The following GSTCD variants were observed in gnomAD, a reference collection of about 807,000 sequenced individuals.
GSTCD encodes glutathione S-transferase C-terminal domain-containing protein.
Under a neutral mutation model 68.3 loss-of-function variants are expected in GSTCD, and 44 were observed. The observed-to-expected ratio is 0.64, with a 90% CI of 0.51 to 0.83. GSTCD has a LOEUF of 0.83. GSTCD is among the 40% of genes least tolerant of loss of function. GSTCD has a pLI of 0.00. For synonymous variants in GSTCD, 273 were observed against 255.2 expected (o/e 1.07, Z -0.67); for missense variants, 739 against 735.9 (o/e 1.00, Z -0.05).
chr4:105,774,364 T>C (rs570761362), intron 5 of GSTCD, among the ~76,000 whole-genome samples: 5 of 152,342 alleles, frequency 3.3e-5, no homozygotes, highest in East Asian at 1.9e-4. Context: ...AAGTTTAATA[T>C]TGTTATGTGT....
chr4:105,816,231 T>C (rs1011306800), intron 5 of GSTCD, among the ~76,000 whole-genome samples: 1 of 152,140 alleles, frequency 6.6e-6, no homozygotes, highest in Admixed American at 6.6e-5. Context: ...GGGTGAAAGG[T>C]GCATGATATT....
chr4:105,790,821 T>G (rs964748068), intron 5 of GSTCD, among the ~76,000 whole-genome samples: 2 of 152,046 alleles, frequency 1.3e-5, no homozygotes, highest in African/African-American at 4.8e-5. Context: ...GAAATTGCCC[T>G]CAGTGCCTTT....
At chr4:105,804,142 A>G (rs1422911835) in intron 5 of GSTCD, among the ~76,000 whole-genome samples, 1 of 152,010 alleles carries the variant, frequency 6.6e-6, no homozygotes, top group African/African-American at 2.4e-5. Context: ...GTATTTAGTT[A>G]TCAGAAATTT....
intron 11 of GSTCD, 74 bp downstream of exon 11, chr4:105,842,208 A>T: frequency 8.3e-7 from 1 of 1,199,726 alleles, no homozygotes; most frequent in Non-Finnish European, 1.2e-6. Flanking sequence ...CCAAGTCTAT[A>T]TGGGAAAAAT....
At position 105,719,465 on chromosome 4, in the gene GSTCD, G is replaced by C. The variant is rs1178875624; in HGVS notation, c.832G>C (p.Ala278Pro). Reference protein sequence around the residue: ...SDLPPLEHVFAEGLYFTLADI... With the variant: ...SDLPPLEHVFPEGLYFTLADI... ...CCTTCCACCTCTGGAGCATGTGTTT[G>C]CAGAAGGGCTTTACTTCACTCTGGC... is the stretch of plus-strand genomic sequence containing the variant. The change falls in exon 3 of 12, where the codon GCA becomes CCA. Residue 278 changes from alanine (A) to proline (P), a missense_variant. Physicochemically the swap from Ala to Pro is conservative, Grantham distance 27. Transcript: ENST00000515279. 8 of 1,613,936 alleles carry C rather than the reference G, an allele frequency of 5.0e-6. No homozygotes were observed. Among genetic ancestry groups the C allele is most frequent in the Admixed American group, 1.7e-5 (1 of 59,968 alleles).
intron 5 of GSTCD, among the ~76,000 whole-genome samples, chr4:105,776,002 C>T (rs1375584583): frequency 6.6e-6 from 1 of 152,204 alleles, no homozygotes; most frequent in Non-Finnish European, 1.5e-5. Flanking sequence ...TATCCATAAG[C>T]CCGACTGGGG....
At chr4:105,771,256 A>C (rs968058663) in intron 5 of GSTCD, among the ~76,000 whole-genome samples, 2 of 151,796 alleles carry the variant, frequency 1.3e-5, no homozygotes, top group African/African-American at 2.4e-5. Context: ...TTTCTTGTAG[A>C]TTCTGGATAT....
intron 5 of GSTCD, among the ~76,000 whole-genome samples, chr4:105,771,356 A>G (rs1387595156): frequency 6.6e-6 from 1 of 152,080 alleles, no homozygotes; most frequent in Non-Finnish European, 1.5e-5. Flanking sequence ...TTTGCTGTGC[A>G]AAAGCTCTTT....
chr4:105,757,784 A>G lies in GSTCD; in HGVS notation c.1240+28285A>G, dbSNP rs140803581. On this transcript the variant is annotated intron_variant, in intron 5 of 11. Transcript: ENST00000515279. ...CAAGGAGATATATTCCCTTGATTCT[A>G]TATTAAAAAGAAGCCATTGTTAGGT... Among the ~76,000 whole-genome samples the G allele has an allele frequency of 4.6e-5, 7 of 152,304 alleles. No homozygotes were observed. In the East Asian group the frequency reaches 1.2e-3, roughly 25 times the overall value.
chr4:105,827,881 CTAAG>C (rs1723713398), intron 8 of GSTCD, among the ~76,000 whole-genome samples: 1 of 151,752 alleles, frequency 6.6e-6, no homozygotes, highest in Non-Finnish European at 1.5e-5. Context: ...TTAGAAACAA[CTAAG>C]TCTTTTTAAA....
chr4:105,817,866 C>T (rs962822678), intron 5 of GSTCD, among the ~76,000 whole-genome samples: 16 of 151,982 alleles, frequency 1.1e-4, no homozygotes, highest in African/African-American at 3.8e-4. Context: ...TAGTTGACTT[C>T]TTTTACTGTT....
At chr4:105,712,328 G>GA (rs1433514662) in intron 1 of GSTCD, among the ~76,000 whole-genome samples, 1 of 152,174 alleles carries the variant, frequency 6.6e-6, no homozygotes, top group Admixed American at 6.5e-5. Flanking sequence ...ATCTCTTGGA[G>GA]AAAAGCATTC....
chr4:105,709,498 G>T (rs773222296), intron 1 of GSTCD, among the ~76,000 whole-genome samples: 4 of 152,080 alleles, frequency 2.6e-5, no homozygotes, highest in Admixed American at 1.3e-4. Flanking sequence ...CTTCATTTGG[G>T]GCCATTTGCT....
chr4:105,770,785 G>A (rs1045210854), intron 5 of GSTCD, among the ~76,000 whole-genome samples: 15 of 152,076 alleles, frequency 9.9e-5, no homozygotes, highest in Non-Finnish European at 1.5e-4. Flanking sequence ...ATGGCCATTT[G>A]GGTTGGTTCC....
At chr4:105,748,134 A>G (rs1029955065) in intron 5 of GSTCD, among the ~76,000 whole-genome samples, 1 of 152,106 alleles carries the variant, frequency 6.6e-6, no homozygotes, top group African/African-American at 2.4e-5. Context: ...ACGTGCCTGT[A>G]GTCCCAGCTA....
At position 105,794,419 on chromosome 4, in the gene GSTCD, A is replaced by T. The variant is rs150117636; in HGVS notation, c.1241-28535A>T. On this transcript the variant is annotated intron_variant, in intron 5 of 11. Transcript: ENST00000515279. ...TATAAACTCTGGACTTTGAGTTATG[A>T]TGTGTCAATGTAGGTTCATCACTAT... is the stretch of plus-strand genomic sequence containing the variant. Among the ~76,000 whole-genome samples the T allele has an allele frequency of 2.9e-4, 44 of 152,124 alleles. No individual in the cohort carries two copies. The East Asian group carries it at 7.1e-3, about 25-fold the overall frequency.
At chr4:105,825,281 T>G (rs892500450) in intron 7 of GSTCD, among the ~76,000 whole-genome samples, 1 of 151,938 alleles carries the variant, frequency 6.6e-6, no homozygotes, top group Non-Finnish European at 1.5e-5. Flanking sequence ...AGATGCACAC[T>G]ACTATGCCCG....
chr4:105,752,049 A>G (rs552618527), intron 5 of GSTCD, among the ~76,000 whole-genome samples: 21 of 152,286 alleles, frequency 1.4e-4, no homozygotes, highest in Non-Finnish European at 2.6e-4. Context: ...TGTATCTAAC[A>G]TAGAGACAGC....
intron 5 of GSTCD, among the ~76,000 whole-genome samples, chr4:105,819,831 G>A (rs942100151): frequency 4.0e-5 from 6 of 149,718 alleles, no homozygotes; most frequent in African/African-American, 1.2e-4. Flanking sequence ...TTACCTTTTC[G>A]GTGTGTTTTT....
Sources: allele counts gnomAD v4.1 joint callset (sites outside exome capture counted in the v4.1 genomes callset), GRCh38; gene constraint gnomAD v4.1.1; transcripts MANE v1.5; gene names NCBI Gene and HGNC (gene_info 2026-07-23, HGNC 2026-07-21).